TCAIM: variants seen among roughly 807,000 people sequenced by gnomAD.
TCAIM encodes T-cell activation inhibitor, mitochondrial.
Under a neutral mutation model 58.6 loss-of-function variants are expected in TCAIM, and 36 were observed. That is an observed-to-expected ratio of 0.61 (90% CI 0.47 to 0.81). The LOEUF is 0.81. TCAIM is among the 30% of genes least tolerant of loss of function. The pLI is 0.00. For synonymous variants in TCAIM, 172 were observed against 193.6 expected, an observed-to-expected ratio of 0.89 and a Z score of 0.93; for missense variants, 466 against 579.6, an observed-to-expected ratio of 0.80 and a Z score of 2.01.
At chr3:44,356,474 A>G (rs1355291325) in intron 2 of TCAIM, among the ~76,000 whole-genome samples, 4 of 152,044 alleles carry the variant, frequency 2.6e-5, no homozygotes, top group Non-Finnish European at 5.9e-5. Flanking sequence ...TTGAGCCAAG[A>G]TCATGCCACT....
chr3:44,396,754 A>G lies in TCAIM; in HGVS notation c.805A>G (p.Ile269Val), dbSNP rs1160118891. Residue 269 changes from isoleucine to valine, a missense_variant, in exon 8 of 11, where the codon ATA (isoleucine) becomes GTA (valine). Coordinates refer to ENST00000342649, the MANE Select transcript of TCAIM (RefSeq NM_173826.4). ...TGTTTTGTCATCAGGGTGTACAATCATATTTACAGACCGTTCTGGCATGAG... is the reference window on the plus strand; with the variant it reads ...TGTTTTGTCATCAGGGTGTACAATCGTATTTACAGACCGTTCTGGCATGAG... The part of the protein sequence containing the change: ...TLKKAKGCTI[I>V]FTDRSGMSAV... 1 of 1,614,074 alleles carries G rather than the reference A, an allele frequency of 6.2e-7. No homozygotes were observed. Among genetic ancestry groups the G allele is most frequent in the Admixed American group, 1.7e-5 (1 of 59,998 alleles).
intron 1 of TCAIM, among the ~76,000 whole-genome samples, chr3:44,339,324 T>G (rs559005693): frequency 6.6e-6 from 1 of 152,208 alleles, no homozygotes; most frequent in East Asian, 1.9e-4. Flanking sequence ...CAAATGAGAG[T>G]GGCATGATAT....
chr3:44,379,670 A>G (rs550685250), intron 5 of TCAIM, among the ~76,000 whole-genome samples: 3 of 152,168 alleles, frequency 2.0e-5, no homozygotes, highest in Non-Finnish European at 4.4e-5. Context: ...GGAACAAAAT[A>G]ATGAGAACCA....
rs56361211 is a variant in TCAIM at position 44,363,920 on chromosome 3, C to CTT, written c.319+2428_319+2429dup. Among the ~76,000 whole-genome samples, 555 of 67,402 alleles carry CTT rather than the reference C, an allele frequency of 8.2e-3. 59 individuals are homozygous for CTT. Among genetic ancestry groups the CTT allele is most frequent in the African/African-American group, 0.019 (337 of 17,308 alleles). The allele number at this position is 67,402 out of a possible 152,430, so 44.2% of individuals were successfully genotyped here. On this transcript the variant is annotated intron_variant, in intron 4 of 10. Transcript: ENST00000342649. The stretch of plus-strand genomic sequence containing the variant: ...CAACTGGACAACACAGCAAGTCTGT[C>CTT]TTTTTTTTTTTTTTTTTTTTTTTTT...
In TCAIM at chr3:44,367,505, A is replaced by G; in HGVS notation, c.369A>G (p.Thr123=). ...FTLHTRDLLS[T]VLYILNSCSL... Reference sequence around the variant, plus strand: ...TGCACACCAGAGATCTGCTAAGCACAGTGTTATATATTCTCAACTCCTGCA... The same window carrying G: ...TGCACACCAGAGATCTGCTAAGCACGGTGTTATATATTCTCAACTCCTGCA... Residue 123 remains threonine (T), a synonymous_variant, in exon 5 of 11, where the codon ACA becomes ACG. Transcript: ENST00000342649. The G allele has an allele frequency of 6.2e-7, 1 of 1,614,146 alleles. No individual in the cohort carries two copies. The highest frequency in any genetic ancestry group is 8.5e-7 in the Non-Finnish European group (1 of 1,179,990).
At chr3:44,391,028 TC>T (rs1158988465) in intron 5 of TCAIM, among the ~76,000 whole-genome samples, 1 of 152,122 alleles carries the variant, frequency 6.6e-6, no homozygotes, top group African/African-American at 2.4e-5. Context: ...TCTCTGGACT[TC>T]CCTTGGGTAG....
At chr3:44,389,156 G>A (rs1019554169) in intron 5 of TCAIM, among the ~76,000 whole-genome samples, 3 of 152,172 alleles carry the variant, frequency 2.0e-5, no homozygotes, top group Admixed American at 6.5e-5. Context: ...CAGGCATGGT[G>A]GTGCCCACCT....
At position 44,392,811 on chromosome 3, in the gene TCAIM, A is replaced by G. The variant is rs1172148344; in HGVS notation, c.573-44A>G. On this transcript the variant is annotated intron_variant, in intron 5 of 10. Coordinates refer to ENST00000342649, the MANE Select transcript of TCAIM (RefSeq NM_173826.4). ...GTGTCTTTTAATAGTAAAAATATGT[A>G]TATTATAGTTAGTATTGTAAAGTAT... 3 of 1,555,580 alleles carry G rather than the reference A, an allele frequency of 1.9e-6. No homozygotes were observed. The South Asian group carries it at 3.5e-5, about 18-fold the overall frequency.
intron 1 of TCAIM, among the ~76,000 whole-genome samples, chr3:44,344,719 T>C (rs1700929665): frequency 6.6e-6 from 1 of 152,136 alleles, no homozygotes; most frequent in Admixed American, 6.5e-5. Flanking sequence ...TGAAGCTTTT[T>C]ATTCACCTGG....
chr3:44,401,314 G>A lies in TCAIM; in HGVS notation c.1230G>A (p.Glu410=). The change falls in exon 10 of 11, where the codon GAG becomes GAA. Residue 410 remains glutamate, a synonymous_variant. Transcript: ENST00000342649. ...FILTKAQQAR[E]NMKRKEELKV... Reference sequence around the variant, plus strand: ...TCACCAAAGCTCAGCAGGCAAGAGAGAACATGAAAAGAAAGGAAGAGTAAG... The same window carrying A: ...TCACCAAAGCTCAGCAGGCAAGAGAAAACATGAAAAGAAAGGAAGAGTAAG... 6.2e-7 allele frequency: 1 copy of A among 1,613,948 alleles called. No homozygotes were observed. The highest frequency in any genetic ancestry group is 1.7e-4 in the Middle Eastern group (1 of 6,060).
intron 9 of TCAIM, 52 bp from the exon 10 acceptor site, chr3:44,401,151 G>A (rs987529049): frequency 4.4e-6 from 7 of 1,588,714 alleles, no homozygotes; most frequent in South Asian, 3.4e-5. Flanking sequence ...TTTCTCTGGT[G>A]GGGGAGAGGA....
At chr3:44,358,159 A>G in intron 3 of TCAIM, 2 of 1,533,220 alleles carry the variant, frequency 1.3e-6, no homozygotes, top group South Asian at 1.2e-5. Context: ...GAGGGTTTGA[A>G]AGAAAACTTG....
At chr3:44,407,368 TAC>T in intron 10 of TCAIM, 72 bp from the exon 11 acceptor site, 1 of 1,204,140 alleles carries the variant, frequency 8.3e-7, no homozygotes, top group Non-Finnish European at 1.1e-6. Flanking sequence ...AGAATATATT[TAC>T]ATTGTGTGTT....
intron 10 of TCAIM, among the ~76,000 whole-genome samples, chr3:44,405,537 G>A (rs1575284683): frequency 6.6e-6 from 1 of 152,078 alleles, no homozygotes; most frequent in African/African-American, 2.4e-5. Context: ...GCTGGGTGTG[G>A]TGGTTTGCAC....
At chr3:44,394,333 T>G (rs1701887722) in intron 6 of TCAIM, among the ~76,000 whole-genome samples, 1 of 152,218 alleles carries the variant, frequency 6.6e-6, no homozygotes, top group Non-Finnish European at 1.5e-5. Flanking sequence ...ATTTTCAGAT[T>G]AAACTTTATT....
intron 3 of TCAIM, chr3:44,358,410 A>G: frequency 4.9e-6 from 3 of 616,704 alleles, no homozygotes; most frequent in South Asian, 2.0e-5. Flanking sequence ...CTTCATATCC[A>G]TGGGTTTTAC....
chr3:44,399,533 C>T (rs567741519), intron 8 of TCAIM, among the ~76,000 whole-genome samples: 121 of 152,270 alleles, frequency 7.9e-4, no homozygotes, highest in African/African-American at 2.7e-3. Context: ...CCAGCCCCTA[C>T]GTCCCCCTTC....
intron 5 of TCAIM, among the ~76,000 whole-genome samples, chr3:44,390,693 A>G (rs191325854): frequency 7.9e-5 from 12 of 152,060 alleles, no homozygotes; most frequent in South Asian, 6.2e-4. Context: ...AAAAATGGCC[A>G]GGCATGGTGG....
chr3:44,392,943 G>T lies in TCAIM; in HGVS notation c.661G>T (p.Glu221Ter). The change falls in exon 6 of 11, where the codon GAA becomes TAA. Residue 221 changes from glutamate to a stop codon, truncating the protein, a stop_gained. Coordinates refer to ENST00000342649, the MANE Select transcript of TCAIM (RefSeq NM_173826.4). LOFTEE classifies it high-confidence loss of function. ...LRKELDRLKD[E>*]LSHQLQLSDI... ...AAAAGAACTAGATCGTTTAAAAGATGAACTGTCTCATCAATTGCAACTCTC... is the reference window on the plus strand; with the variant it reads ...AAAAGAACTAGATCGTTTAAAAGATTAACTGTCTCATCAATTGCAACTCTC... 6.2e-7 allele frequency: 1 copy of T among 1,613,174 alleles called. No homozygotes were observed. Among genetic ancestry groups the T allele is most frequent in the Non-Finnish European group, 8.5e-7 (1 of 1,179,508 alleles).
Sources: gnomAD v4.1 joint callset for allele counts (sites outside exome capture counted in the v4.1 genomes callset) on GRCh38, gnomAD v4.1.1 for gene constraint, MANE v1.5 for transcripts, NCBI Gene and HGNC (gene_info 2026-07-23, HGNC 2026-07-21) for gene names.